The following TGFBRAP1 variants were observed in gnomAD, a reference collection of about 807,000 sequenced individuals.
TGFBRAP1 encodes transforming growth factor-beta receptor-associated protein 1.
Under a neutral mutation model 83.2 loss-of-function variants are expected in TGFBRAP1, and 20 were observed. That is an observed-to-expected ratio of 0.24 (90% CI 0.17 to 0.35). The LOEUF is 0.35. Ranked by LOEUF, TGFBRAP1 falls within the 10% of genes least tolerant of loss-of-function variation. The probability of loss-of-function intolerance (pLI) is 1.00; values close to 1 mark genes in which losing one functional copy is unlikely to be tolerated. For missense variants in TGFBRAP1, 950 were observed against 1,099.4 expected, an observed-to-expected ratio of 0.86 and a Z score of 1.92; for synonymous variants, 415 against 459.8, an observed-to-expected ratio of 0.90 and a Z score of 1.25.
the TGFBRAP1 span, among the ~76,000 whole-genome samples, chr2:105,258,817 C>T: frequency 6.6e-6 from 1 of 151,718 alleles, no homozygotes; most frequent in African/African-American, 2.4e-5. Context: ...TCTGGAGAAC[C>T]CTGCCTGTTG....
downstream of TGFBRAP1, among the ~76,000 whole-genome samples, chr2:105,262,352 C>G (rs1039863101): frequency 4.4e-4 from 67 of 152,256 alleles, no homozygotes; most frequent in African/African-American, 1.6e-3. Flanking sequence ...TTAAAGGAGT[C>G]TGGCACCTCC....
rs758625816 is a variant in TGFBRAP1, at chr2:105,275,555, C to A, written c.1665+5G>T. 6.2e-7 allele frequency: 1 copy of A among 1,613,446 alleles called. No homozygotes were observed. The highest frequency in any genetic ancestry group is 1.3e-5 in the African/African-American group (1 of 74,860). On this transcript the variant is annotated splice_donor_5th_base_variant and intron_variant, in intron 8 of 11. Transcript: ENST00000393359. The stretch of plus-strand genomic sequence containing the variant: ...AAAGAGAATGCATTTTTACGAAGCA[C>A]AAACCTCTTCACTTTTCTGCAGGAC...
In TGFBRAP1 at chr2:105,307,966, C is replaced by T. The variant is rs149165498; in HGVS notation, c.336G>A (p.Ser112=). 905 of 1,614,240 alleles carry T rather than the reference C, an allele frequency of 5.6e-4. 5 individuals carry two copies. The African/African-American group carries it at 9.6e-3, about 17-fold the overall frequency. Residue 112 remains serine, a synonymous_variant, in exon 2 of 12, where the codon TCG becomes TCA. Transcript: ENST00000393359. ...TGGCTGCCCCCTTGATGCGGGCCCCCGAAGGCACTGGCTCGAGGTTCAGCA... is the reference window on the plus strand; with the variant it reads ...TGGCTGCCCCCTTGATGCGGGCCCCTGAAGGCACTGGCTCGAGGTTCAGCA... The part of the protein sequence containing the change: ...VNMLNLEPVP[S]GARIKGAATF...
intron 7 of TGFBRAP1, 67 bp downstream of exon 7, chr2:105,277,546 TA>T: frequency 6.6e-7 from 1 of 1,523,994 alleles, no homozygotes; most frequent in Non-Finnish European, 9.1e-7. Flanking sequence ...GAATTTTTTT[TA>T]AGTAACACTA....
rs568357313 is a variant in TGFBRAP1, at chr2:105,308,985, T to C, written c.-17-667A>G. 1.2e-4 allele frequency among the ~76,000 whole-genome samples: 19 copies of C among 152,282 alleles called. No homozygotes were observed. The South Asian group carries it at 2.9e-3, about 23-fold the overall frequency. ...CTCAGCTCCGGAGTAAATGTATTCA[T>C]GTGGAGAGTAAAGGTGTGCCTCGGA... On this transcript the variant is annotated intron_variant, in intron 1 of 11. Transcript: ENST00000393359.
At chr2:105,270,909 G>A (rs1677132632) in intron 10 of TGFBRAP1, among the ~76,000 whole-genome samples, 1 of 152,218 alleles carries the variant, frequency 6.6e-6, no homozygotes, top group African/African-American at 2.4e-5. Flanking sequence ...GATAGGTTGG[G>A]CTGGAATCGT....
chr2:105,287,489 A>C (rs912621668), intron 4 of TGFBRAP1, among the ~76,000 whole-genome samples: 3 of 152,190 alleles, frequency 2.0e-5, no homozygotes, highest in South Asian at 4.2e-4. Flanking sequence ...CTGAGGTGAA[A>C]CGCTCTAAAA....
intron 8 of TGFBRAP1, 71 bp from the exon 9 acceptor site, chr2:105,273,761 T>G: frequency 6.4e-7 from 1 of 1,556,910 alleles, no homozygotes; most frequent in Non-Finnish European, 8.7e-7. Flanking sequence ...ATTTTGGTCA[T>G]TGCACATTCA....
chr2:105,250,437 T>C, the TGFBRAP1 span, among the ~76,000 whole-genome samples: 1 of 152,232 alleles, frequency 6.6e-6, no homozygotes, highest in Non-Finnish European at 1.5e-5. Flanking sequence ...CAAGTTCATT[T>C]TCGGAAGCAT....
At chr2:105,290,599 G>C (rs1439509110) in intron 4 of TGFBRAP1, among the ~76,000 whole-genome samples, 1 of 148,410 alleles carries the variant, frequency 6.7e-6, no homozygotes, top group Non-Finnish European at 1.5e-5. Context: ...GAGAGAGAAA[G>C]AGAGAAACAG....
At chr2:105,299,875 GC>G (rs1415173070) in intron 2 of TGFBRAP1, among the ~76,000 whole-genome samples, 1 of 152,266 alleles carries the variant, frequency 6.6e-6, no homozygotes, top group East Asian at 1.9e-4. Flanking sequence ...AAGCCTCGAA[GC>G]CCCACTTGGG....
chr2:105,272,914 T>G lies in TGFBRAP1; in HGVS notation c.1913A>C (p.Gln638Pro), dbSNP rs1288427212. ...SGKGAEATET[Q>P]AKLRRLLQKS... is the part of the protein sequence containing the mutation. The stretch of plus-strand genomic sequence containing the variant: ...CTGGAGCAGCCGCCGCAGCTTGGCC[T>G]GCGTCTCGGTGGCCTCTGCACCCTT... The change falls in exon 10 of 12, where the codon CAG becomes CCG. Residue 638 changes from glutamine (Q) to proline (P), a missense_variant. Gln to Pro is a moderately conservative substitution (Grantham distance 76). Coordinates refer to ENST00000393359, the MANE Select transcript of TGFBRAP1 (RefSeq NM_004257.6). The G allele has an allele frequency of 6.2e-7, 1 of 1,610,560 alleles. No homozygotes were observed. Among genetic ancestry groups the G allele is most frequent in the South Asian group, 1.1e-5 (1 of 91,042 alleles).
chr2:105,273,292 G>A (rs573445699), intron 9 of TGFBRAP1, among the ~76,000 whole-genome samples: 59 of 152,172 alleles, frequency 3.9e-4, no homozygotes, highest in Non-Finnish European at 7.5e-4. Flanking sequence ...TTTCCTTTAA[G>A]GATAATAACA....
At chr2:105,300,451 T>G (rs1678246880) in intron 2 of TGFBRAP1, among the ~76,000 whole-genome samples, 2 of 133,146 alleles carry the variant, frequency 1.5e-5, no homozygotes, top group South Asian at 5.1e-4. Context: ...TTTTTTTTTT[T>G]TTTCCGAGAC....
At chr2:105,254,841 A>C in the TGFBRAP1 span, among the ~76,000 whole-genome samples, 120 of 152,158 alleles carry the variant, frequency 7.9e-4, no homozygotes, top group Non-Finnish European at 1.5e-3. Flanking sequence ...AATTAGGAAA[A>C]GAGGTAGAGA....
intron 1 of TGFBRAP1, among the ~76,000 whole-genome samples, chr2:105,324,448 A>G (rs1323805748): frequency 6.6e-6 from 1 of 152,174 alleles, no homozygotes; most frequent in African/African-American, 2.4e-5. Context: ...ACTAAAAAGG[A>G]CAAGCATGAA....
intron 5 of TGFBRAP1, among the ~76,000 whole-genome samples, chr2:105,282,159 C>T (rs1468242635): frequency 6.6e-6 from 1 of 152,208 alleles, no homozygotes; most frequent in Admixed American, 6.5e-5. Context: ...AGGAAAGGCA[C>T]ACATCCAGTT....
Position 105,304,596 on chromosome 2 carries a change from A to C in TGFBRAP1, c.688+3018T>G, listed in dbSNP as rs375838405. 2.1e-3 allele frequency among the ~76,000 whole-genome samples: 319 copies of C among 152,360 alleles called. 3 individuals are homozygous for C. The highest frequency in any genetic ancestry group is 7.1e-3 in the African/African-American group (295 of 41,580). ...TCAGGAGTTCAAGACCAGCCTGGCC[A>C]ACATGGTGAAACCCCATCTCTACTA... On this transcript the variant is annotated intron_variant, in intron 2 of 11. Coordinates refer to ENST00000393359, the MANE Select transcript of TGFBRAP1 (RefSeq NM_004257.6).
At chr2:105,256,935 C>T in the TGFBRAP1 span, among the ~76,000 whole-genome samples, 5 of 152,148 alleles carry the variant, frequency 3.3e-5, no homozygotes, top group Non-Finnish European at 7.3e-5. Context: ...ACTGCTACAC[C>T]CCCGCCAGTG....
Sources: allele counts gnomAD v4.1 joint callset (sites outside exome capture counted in the v4.1 genomes callset), GRCh38; gene constraint gnomAD v4.1.1; transcripts MANE v1.5; gene names NCBI Gene and HGNC (gene_info 2026-07-23, HGNC 2026-07-21).